Variants in MAGI2 observed in about 807,000 individuals in gnomAD.
MAGI2 encodes membrane associated guanylate kinase, WW and PDZ domain containing 2.
Under a neutral mutation model 133.3 loss-of-function variants are expected in MAGI2, and 35 were observed. That is an observed-to-expected ratio of 0.26 (90% CI 0.20 to 0.35). The LOEUF (loss-of-function observed/expected upper bound fraction) is 0.35. Ranked by LOEUF, MAGI2 falls within the 10% of genes least tolerant of loss-of-function variation. The pLI is 1.00. For missense variants in MAGI2, 1,636 were observed against 1,863.4 expected, an observed-to-expected ratio of 0.88 and a Z score of 2.25; for synonymous variants, 729 against 710.6, an observed-to-expected ratio of 1.03 and a Z score of -0.41.
intron 7 of MAGI2, among the ~76,000 whole-genome samples, chr7:78,351,521 G>A (rs1233164290): frequency 5.3e-5 from 8 of 151,844 alleles, no homozygotes; most frequent in Non-Finnish European, 1.2e-4. Flanking sequence ...GGGGCTTGGC[G>A]TTGTGGCTCA....
chr7:79,295,868 A>G (rs949813730), intron 1 of MAGI2, among the ~76,000 whole-genome samples: 125 of 152,164 alleles, frequency 8.2e-4, no homozygotes, highest in Non-Finnish European at 3.4e-4. Context: ...ACTTCCAATT[A>G]AATTGTGACA....
At chr7:78,501,828 T>C in intron 4 of MAGI2, 41 bp from the exon 5 acceptor site, 2 of 1,459,184 alleles carry the variant, frequency 1.4e-6, no homozygotes, top group South Asian at 1.1e-5. Flanking sequence ...ACTCCAACCA[T>C]GGTAACTCTG....
intron 2 of MAGI2, among the ~76,000 whole-genome samples, chr7:78,999,133 C>T (rs142684848): frequency 6.6e-6 from 1 of 152,090 alleles, no homozygotes; most frequent in East Asian, 1.9e-4. Flanking sequence ...AACCAATTTC[C>T]TATGGAAAGC....
intron 1 of MAGI2, among the ~76,000 whole-genome samples, chr7:79,415,879 A>G (rs1846470775): frequency 6.6e-6 from 1 of 152,192 alleles, no homozygotes; most frequent in Non-Finnish European, 1.5e-5. Context: ...TCCACAGTAC[A>G]GGACAGAACT....
At chr7:78,397,802 G>A (rs982833477) in intron 6 of MAGI2, among the ~76,000 whole-genome samples, 3 of 152,188 alleles carry the variant, frequency 2.0e-5, no homozygotes, top group South Asian at 4.2e-4. Flanking sequence ...GCTATAGCAG[G>A]AAGTAGTTCC....
At chr7:79,410,847 A>G (rs1389650156) in intron 1 of MAGI2, 2 of 152,144 alleles carry the variant, frequency 1.3e-5, no homozygotes, top group Non-Finnish European at 2.9e-5. Context: ...ATTTACATAA[A>G]CTATATTTTG....
At chr7:79,227,328 C>T (rs768494859) in intron 1 of MAGI2, among the ~76,000 whole-genome samples, 5 of 152,120 alleles carry the variant, frequency 3.3e-5, no homozygotes, top group East Asian at 1.9e-4. Flanking sequence ...TCTCTCCATG[C>T]GGAGTGTTGT....
At chr7:79,394,318 T>C (rs1327855020) in intron 1 of MAGI2, among the ~76,000 whole-genome samples, 3 of 152,186 alleles carry the variant, frequency 2.0e-5, no homozygotes, top group Non-Finnish European at 4.4e-5. Context: ...GGGCTATTTG[T>C]TGCACCTGTA....
chr7:78,834,842 A>C (rs1303784968), intron 2 of MAGI2, among the ~76,000 whole-genome samples: 1 of 151,840 alleles, frequency 6.6e-6, no homozygotes, highest in East Asian at 1.9e-4. Context: ...TACTCACGAG[A>C]TCTGATTGTG....
At chr7:78,890,831 A>G (rs1025475542) in intron 2 of MAGI2, among the ~76,000 whole-genome samples, 1 of 152,276 alleles carries the variant, frequency 6.6e-6, no homozygotes, top group African/African-American at 2.4e-5. Context: ...GAGAAGCAAG[A>G]GCAAACACAT....
chr7:78,909,973 A>G (rs1371961913), intron 2 of MAGI2, among the ~76,000 whole-genome samples: 1 of 152,200 alleles, frequency 6.6e-6, no homozygotes, highest in Non-Finnish European at 1.5e-5. Context: ...GAATGAGATC[A>G]TGGCCTTTGC....
chr7:79,167,500 C>A (rs1020597469), intron 1 of MAGI2, among the ~76,000 whole-genome samples: 3 of 149,544 alleles, frequency 2.0e-5, no homozygotes, highest in African/African-American at 7.4e-5. Flanking sequence ...TGACTTCTTT[C>A]TACTTCATAA....
chr7:79,136,113 G>GAAA (rs1562929493), intron 1 of MAGI2, among the ~76,000 whole-genome samples: 1 of 149,954 alleles, frequency 6.7e-6, no homozygotes, highest in South Asian at 2.2e-4. Context: ...AAGAAAGAAA[G>GAAA]AAAGAAAGAA....
At chr7:78,922,326 A>T (rs1799314130) in intron 2 of MAGI2, among the ~76,000 whole-genome samples, 1 of 151,702 alleles carries the variant, frequency 6.6e-6, no homozygotes, top group Admixed American at 6.6e-5. Context: ...ATTTCTCCTA[A>T]TGCTATCCCT....
chr7:78,988,969 A>G (rs1189688010), intron 2 of MAGI2, among the ~76,000 whole-genome samples: 1 of 152,070 alleles, frequency 6.6e-6, no homozygotes, highest in Non-Finnish European at 1.5e-5. Context: ...GAAATAAATA[A>G]CAGAAAATAA....
intron 2 of MAGI2, among the ~76,000 whole-genome samples, chr7:78,710,323 T>C (rs1037988692): frequency 2.6e-5 from 4 of 152,126 alleles, no homozygotes; most frequent in Admixed American, 1.3e-4. Context: ...ATGATCCTGA[T>C]TGAGTCCAAG....
chr7:79,397,688 C>A (rs1845159943), intron 1 of MAGI2, among the ~76,000 whole-genome samples: 1 of 151,994 alleles, frequency 6.6e-6, no homozygotes. Flanking sequence ...GTTAGCAATT[C>A]TTTGCTTATT....
intron 1 of MAGI2, among the ~76,000 whole-genome samples, chr7:79,239,419 G>A (rs910307992): frequency 2.0e-5 from 3 of 152,060 alleles, no homozygotes; most frequent in Admixed American, 6.6e-5. Context: ...GGGAGGTGCC[G>A]TATCACATGT....
intron 1 of MAGI2, among the ~76,000 whole-genome samples, chr7:79,020,636 G>C (rs530681066): frequency 2.0e-5 from 3 of 152,046 alleles, no homozygotes; most frequent in Admixed American, 1.3e-4. Context: ...CATGGTGGCG[G>C]GCTCCTGTAG....
Sources: allele counts gnomAD v4.1 joint callset (sites outside exome capture counted in the v4.1 genomes callset), GRCh38; gene constraint gnomAD v4.1.1; transcripts MANE v1.5; gene names NCBI Gene and HGNC (gene_info 2026-07-23, HGNC 2026-07-21).